ST8SIA3: variants seen among roughly 807,000 people sequenced by gnomAD.
The protein encoded by ST8SIA3 is ST8 alpha-N-acetyl-neuraminide alpha-2,8-sialyltransferase 3, also known as alpha-N-acetylneuraminate alpha-2,8-sialyltransferase ST8SIA3.
Under a neutral mutation model 34.5 loss-of-function variants are expected in ST8SIA3, and 17 were observed. The ratio of observed to expected loss-of-function variants is 0.49; its 90% CI spans 0.34 to 0.74. The LOEUF (loss-of-function observed/expected upper bound fraction) is 0.74. ST8SIA3 is among the 30% of genes least tolerant of loss of function. ST8SIA3 has a pLI of 0.01. For missense variants in ST8SIA3, 354 were observed against 467.8 expected, an observed-to-expected ratio of 0.76 and a Z score of 2.24; for synonymous variants, 172 against 176.1, an observed-to-expected ratio of 0.98 and a Z score of 0.19.
rs1368666255 is a variant in ST8SIA3, at chr18:57,362,748, A to G, written c.*2471A>G. 1 of 152,238 alleles carries G rather than the reference A, an allele frequency of 6.6e-6. No homozygotes were observed. The highest frequency in any genetic ancestry group is 1.5e-5 in the Non-Finnish European group (1 of 68,042). The allele number at this position is 152,238 out of a possible 1,614,324, so 9.4% of individuals were successfully genotyped here. On this transcript the variant is annotated 3_prime_UTR_variant, in exon 4 of 4. Transcript: ENST00000324000. ...TGCTTATAAGGAGGACTTCCTGGAGATGATCCCAATAGATCACCCTTCACT... is the reference window on the plus strand; with the variant it reads ...TGCTTATAAGGAGGACTTCCTGGAGGTGATCCCAATAGATCACCCTTCACT...
Position 57,356,986 on chromosome 18 carries a change from C to T in ST8SIA3, c.376C>T (p.Leu126=), listed in dbSNP as rs776572629. 8.7e-6 allele frequency: 14 copies of T among 1,613,956 alleles called. No homozygotes were observed. The highest frequency in any genetic ancestry group is 1.7e-5 in the Admixed American group (1 of 60,016). Reference sequence around the variant, plus strand: ...CAAGAATAGTGTTCGGATTGGACAACTGATGCACTATGATTATTCCAGCCA... The same window carrying T: ...CAAGAATAGTGTTCGGATTGGACAATTGATGCACTATGATTATTCCAGCCA... ...LTKNSVRIGQ[L]MHYDYSSHKY... Residue 126 remains leucine, a synonymous_variant, in exon 3 of 4, where the codon CTG becomes TTG. Coordinates refer to ENST00000324000, the MANE Select transcript of ST8SIA3 (RefSeq NM_015879.3).
Position 57,361,365 on chromosome 18 carries a change from T to A in ST8SIA3, c.*1088T>A, listed in dbSNP as rs1236809312. ...CCAGCTGGGTTAAAGTGGAGGAGGA[T>A]CTTGGCCAGGCCAGGTGCCCAGGTG... On this transcript the variant is annotated 3_prime_UTR_variant, in exon 4 of 4. Coordinates refer to ENST00000324000, the MANE Select transcript of ST8SIA3 (RefSeq NM_015879.3). 6.6e-6 allele frequency: 1 copy of A among 152,452 alleles called. No homozygotes were observed. The highest frequency in any genetic ancestry group is 1.9e-4 in the East Asian group (1 of 5,196). The allele number at this position is 152,452 out of a possible 1,614,324, so 9.4% of individuals were successfully genotyped here.
rs1568103275 is a variant in ST8SIA3 at position 57,364,831 on chromosome 18, A to G, written c.*4554A>G. On this transcript the variant is annotated 3_prime_UTR_variant, in exon 4 of 4. Coordinates refer to ENST00000324000, the MANE Select transcript of ST8SIA3 (RefSeq NM_015879.3). ...GAAATGGGAAACACTTTAGAATGTCATTATTGTATTATATATTGTCATCTT... is the reference window on the plus strand; with the variant it reads ...GAAATGGGAAACACTTTAGAATGTCGTTATTGTATTATATATTGTCATCTT... The G allele has an allele frequency of 6.6e-6, 1 of 152,558 alleles. No homozygotes were observed. The highest frequency in any genetic ancestry group is 6.5e-5 in the Admixed American group (1 of 15,282). The allele number at this position is 152,558 out of a possible 1,614,324, so 9.5% of individuals were successfully genotyped here. A position where few individuals can be genotyped will look rare whatever the true frequency, so the allele number is the denominator to read the frequency against.
chr18:57,354,544 T>C lies in ST8SIA3; in HGVS notation c.302+20T>C. 6.2e-7 allele frequency: 1 copy of C among 1,613,046 alleles called. No homozygotes were observed. The highest frequency in any genetic ancestry group is 1.1e-5 in the South Asian group (1 of 90,980). ...TCAAAGGTAGGATAGGAGGAAAAGA[T>C]CCAAAAGGTGCTTTTAAGAATTCAA... On this transcript the variant is annotated intron_variant, in intron 2 of 3. Coordinates refer to ENST00000324000, the MANE Select transcript of ST8SIA3 (RefSeq NM_015879.3).
chr18:57,366,279 A>G lies in ST8SIA3; in HGVS notation c.*6002A>G, dbSNP rs1479762454. 2 of 152,440 alleles carry G rather than the reference A, an allele frequency of 1.3e-5. No individual in the cohort carries two copies. Among genetic ancestry groups the G allele is most frequent in the African/African-American group, 2.4e-5 (1 of 41,438 alleles). 9.4% of individuals were successfully genotyped at this position (152,440 alleles called of 1,614,324 possible). ...TTTTACTGATTTTTAGTAAAAGAGC[A>G]TATTATTGGATCCCAAGGTGTTCAA... On this transcript the variant is annotated 3_prime_UTR_variant, in exon 4 of 4. Coordinates refer to ENST00000324000, the MANE Select transcript of ST8SIA3 (RefSeq NM_015879.3).
chr18:57,358,217 A>G (rs1049895612), intron 3 of ST8SIA3, among the ~76,000 whole-genome samples: 8 of 152,254 alleles, frequency 5.3e-5, no homozygotes, highest in African/African-American at 1.9e-4. Context: ...TGATGATTCC[A>G]ATATGCAGTC....
intron 3 of ST8SIA3, among the ~76,000 whole-genome samples, chr18:57,359,760 G>A (rs1194527915): frequency 1.3e-5 from 2 of 152,174 alleles, no homozygotes; most frequent in African/African-American, 2.4e-5. Context: ...TCTTGCACTC[G>A]AAATTTTCAA....
At chr18:57,358,808 C>T (rs1323678095) in intron 3 of ST8SIA3, among the ~76,000 whole-genome samples, 2 of 152,186 alleles carry the variant, frequency 1.3e-5, no homozygotes, top group Non-Finnish European at 2.9e-5. Context: ...GTCAGGTCTC[C>T]TGCCAACCTG....
In ST8SIA3 at chr18:57,360,318, G is replaced by C. The variant is rs1239164105; in HGVS notation, c.*41G>C. 6.3e-7 allele frequency: 1 copy of C among 1,580,930 alleles called. No homozygotes were observed. Among genetic ancestry groups the C allele is most frequent in the East Asian group, 2.3e-5 (1 of 44,258 alleles). On this transcript the variant is annotated 3_prime_UTR_variant, in exon 4 of 4. Coordinates refer to ENST00000324000, the MANE Select transcript of ST8SIA3 (RefSeq NM_015879.3). Reference sequence around the variant, plus strand: ...AGCGCCAAATGGCTGTTTAAAAAGTGCCCCAAATCAAATTGAATAGCCTTC... The same window carrying C: ...AGCGCCAAATGGCTGTTTAAAAAGTCCCCCAAATCAAATTGAATAGCCTTC...
At chr18:57,353,410 G>A (rs2049777152) in intron 1 of ST8SIA3, among the ~76,000 whole-genome samples, 1 of 152,110 alleles carries the variant, frequency 6.6e-6, no homozygotes, top group Non-Finnish European at 1.5e-5. Context: ...CCCGCGCCCT[G>A]TCCGCAGACT....
Position 57,363,174 on chromosome 18 carries a change from C to T in ST8SIA3, c.*2897C>T, listed in dbSNP as rs1338340138. 1 of 152,176 alleles carries T rather than the reference C, an allele frequency of 6.6e-6. No homozygotes were observed. Among genetic ancestry groups the T allele is most frequent in the African/African-American group, 2.4e-5 (1 of 41,436 alleles). The allele number at this position is 152,176 out of a possible 1,614,324, so 9.4% of individuals were successfully genotyped here. On this transcript the variant is annotated 3_prime_UTR_variant, in exon 4 of 4. Coordinates refer to ENST00000324000, the MANE Select transcript of ST8SIA3 (RefSeq NM_015879.3). Reference sequence around the variant, plus strand: ...CCCCCAAGGCTTTCTACCCATAACACCAACACAAAAAACCAATTAAGTTGC... The same window carrying T: ...CCCCCAAGGCTTTCTACCCATAACATCAACACAAAAAACCAATTAAGTTGC...
At position 57,352,792 on chromosome 18, in the gene ST8SIA3, C is replaced by A; in HGVS notation, c.-55C>A. The stretch of plus-strand genomic sequence containing the variant: ...CACATATATACACGCCAGCGAGCTG[C>A]TGGCCGCTCAATGGACCGATTTCCC... On this transcript the variant is annotated 5_prime_UTR_variant, in exon 1 of 4. It adds an upstream start codon to the 5' untranslated region. Coordinates refer to ENST00000324000, the MANE Select transcript of ST8SIA3 (RefSeq NM_015879.3). 6.9e-7 allele frequency: 1 copy of A among 1,440,318 alleles called. No individual in the cohort carries two copies. The highest frequency in any genetic ancestry group is 9.7e-7 in the Non-Finnish European group (1 of 1,028,660). 89.2% of individuals were successfully genotyped at this position (1,440,318 alleles called of 1,614,324 possible).
chr18:57,353,754 C>G lies in ST8SIA3; in HGVS notation c.180-648C>G, dbSNP rs1341903176. On this transcript the variant is annotated intron_variant, in intron 1 of 3. Transcript: ENST00000324000. The stretch of plus-strand genomic sequence containing the variant: ...GCTCTGCGAGAGCCCCCGCCCCGCT[C>G]TGTGACCCCGGGAACTCTCCCAGCA... Among the ~76,000 whole-genome samples the G allele has an allele frequency of 2.0e-5, 3 of 152,336 alleles. No homozygotes were observed. In the East Asian group the frequency reaches 5.8e-4, roughly 29 times the overall value.
At chr18:57,358,454 C>G (rs959886150) in intron 3 of ST8SIA3, among the ~76,000 whole-genome samples, 2 of 152,124 alleles carry the variant, frequency 1.3e-5, no homozygotes, top group Non-Finnish European at 2.9e-5. Context: ...TTTTTCCCAT[C>G]CCGTAGCCTC....
At position 57,368,175 on chromosome 18, in the gene ST8SIA3, G is replaced by C. The variant is rs1468925463; in HGVS notation, c.*7898G>C. On this transcript the variant is annotated 3_prime_UTR_variant, in exon 4 of 4. Coordinates refer to ENST00000324000, the MANE Select transcript of ST8SIA3 (RefSeq NM_015879.3). ...CACACTGTGCTGCTTCCATTAGTTA[G>C]ATGGACATTGACAATTAATTGTGAA... 6.6e-6 allele frequency: 1 copy of C among 152,210 alleles called. No homozygotes were observed. Among genetic ancestry groups the C allele is most frequent in the African/African-American group, 2.4e-5 (1 of 41,460 alleles). 9.4% of individuals were successfully genotyped at this position (152,210 alleles called of 1,614,324 possible). A position where few individuals can be genotyped will look rare whatever the true frequency, so the allele number is the denominator to read the frequency against.
rs1389633769 is a variant in ST8SIA3 at position 57,363,216 on chromosome 18, C to T, written c.*2939C>T. The T allele has an allele frequency of 6.6e-6, 1 of 152,170 alleles. No homozygotes were observed. The highest frequency in any genetic ancestry group is 1.5e-5 in the Non-Finnish European group (1 of 68,054). 9.4% of individuals were successfully genotyped at this position (152,170 alleles called of 1,614,324 possible). ...TTAAGTTGCAGAGGGGGGAAATAAT[C>T]ACAAACTTTTGGCAACCTGCTTAAT... On this transcript the variant is annotated 3_prime_UTR_variant, in exon 4 of 4. Transcript: ENST00000324000.
At position 57,366,834 on chromosome 18, in the gene ST8SIA3, G is replaced by A. The variant is rs1465017845; in HGVS notation, c.*6557G>A. 1.3e-5 allele frequency: 2 copies of A among 152,210 alleles called. No individual in the cohort carries two copies. Among genetic ancestry groups the A allele is most frequent in the African/African-American group, 4.8e-5 (2 of 41,448 alleles). 9.4% of individuals were successfully genotyped at this position (152,210 alleles called of 1,614,324 possible). On this transcript the variant is annotated 3_prime_UTR_variant, in exon 4 of 4. Coordinates refer to ENST00000324000, the MANE Select transcript of ST8SIA3 (RefSeq NM_015879.3). ...AACTTTGTAGGATAAGGTGTCATGTGATGTAAGGCTGGACCATGAAAAACA... is the reference window on the plus strand; with the variant it reads ...AACTTTGTAGGATAAGGTGTCATGTAATGTAAGGCTGGACCATGAAAAACA...
Position 57,360,326 on chromosome 18 carries a change from T to G in ST8SIA3, c.*49T>G. 6.5e-7 allele frequency: 1 copy of G among 1,547,868 alleles called. No homozygotes were observed. Among genetic ancestry groups the G allele is most frequent in the Non-Finnish European group, 8.8e-7 (1 of 1,134,434 alleles). ...ATGGCTGTTTAAAAAGTGCCCCAAATCAAATTGAATAGCCTTCAGAATAGA... is the reference window on the plus strand; with the variant it reads ...ATGGCTGTTTAAAAAGTGCCCCAAAGCAAATTGAATAGCCTTCAGAATAGA... On this transcript the variant is annotated 3_prime_UTR_variant, in exon 4 of 4. Transcript: ENST00000324000.
rs77244563 is a variant in ST8SIA3, at chr18:57,353,693, G to A, written c.179+668G>A. ...GGTCGGAGTCACCGCTCCGCGCTGG[G>A]CCGGCCTGTGAAGGCTCCAGGCGCA... is the stretch of plus-strand genomic sequence containing the variant. On this transcript the variant is annotated intron_variant, in intron 1 of 3. Transcript: ENST00000324000. Among the ~76,000 whole-genome samples, 1,308 of 152,282 alleles carry A rather than the reference G, an allele frequency of 8.6e-3. 46 individuals are homozygous for A. Among genetic ancestry groups the A allele is most frequent in the East Asian group, 0.083 (428 of 5,160 alleles).
Sources: allele counts gnomAD v4.1 joint callset (sites outside exome capture counted in the v4.1 genomes callset), GRCh38; gene constraint gnomAD v4.1.1; transcripts MANE v1.5; gene names NCBI Gene and HGNC (gene_info 2026-07-23, HGNC 2026-07-21).